The following ZCCHC7 variants were observed in gnomAD, a reference collection of about 807,000 sequenced individuals.
ZCCHC7 encodes zinc finger CCHC-type containing 7.
ZCCHC7 carries 35 observed loss-of-function variants against 52.0 expected under a neutral mutation model. The observed-to-expected ratio is 0.67, with a 90% confidence interval of 0.51 to 0.89. The LOEUF (loss-of-function observed/expected upper bound fraction) is 0.89. ZCCHC7 is among the 40% of genes least tolerant of loss of function. ZCCHC7 has a pLI of 0.00. For synonymous variants in ZCCHC7, 217 were observed against 221.5 expected (o/e 0.98, Z 0.18); for missense variants, 574 against 649.1 (o/e 0.88, Z 1.26).
intron 2 of ZCCHC7, among the ~76,000 whole-genome samples, chr9:37,183,281 CAG>C (rs1344442733): frequency 6.6e-6 from 1 of 152,230 alleles, no homozygotes; most frequent in East Asian, 1.9e-4. Flanking sequence ...TTTTGTGACT[CAG>C]AGGAGAGAGA....
chr9:37,349,513 A>G lies in ZCCHC7; in HGVS notation c.1083+61A>G, dbSNP rs373274337. The G allele has an allele frequency of 2.3e-5, 34 of 1,470,780 alleles. No homozygotes were observed. The African/African-American group carries it at 3.8e-4, about 16-fold the overall frequency. The allele number at this position is 1,470,780 out of a possible 1,614,324, so 91.1% of individuals were successfully genotyped here. A position where few individuals can be genotyped will look rare whatever the true frequency, so the allele number is the denominator to read the frequency against. On this transcript the variant is annotated intron_variant, in intron 7 of 8. Coordinates refer to ENST00000336755, the MANE Select transcript of ZCCHC7 (RefSeq NM_032226.3). Reference sequence around the variant, plus strand: ...GTTGTCAGGGAGTGTTTTCTGAAAGATGAACTCAAAAAGAATGTAACTCTA... The same window carrying G: ...GTTGTCAGGGAGTGTTTTCTGAAAGGTGAACTCAAAAAGAATGTAACTCTA...
chr9:37,286,648 CA>C (rs111998486), intron 2 of ZCCHC7, among the ~76,000 whole-genome samples: 1 of 144,488 alleles, frequency 6.9e-6, no homozygotes, highest in Non-Finnish European at 1.5e-5. Context: ...GACCCTGTCT[CA>C]AAAAAAAAGA....
chr9:37,233,292 G>T (rs1175791468), intron 2 of ZCCHC7, among the ~76,000 whole-genome samples: 1 of 152,010 alleles, frequency 6.6e-6, no homozygotes, highest in Non-Finnish European at 1.5e-5. Flanking sequence ...GTAAGGATAG[G>T]AATTAAAATA....
At chr9:37,180,567 G>A (rs527619960) in intron 2 of ZCCHC7, among the ~76,000 whole-genome samples, 1 of 152,106 alleles carries the variant, frequency 6.6e-6, no homozygotes, top group African/African-American at 2.4e-5. Context: ...GGAATATTTT[G>A]AACATGCCAC....
intron 2 of ZCCHC7, among the ~76,000 whole-genome samples, chr9:37,175,545 C>G (rs1588429530): frequency 6.6e-6 from 1 of 152,006 alleles, no homozygotes; most frequent in African/African-American, 2.4e-5. Flanking sequence ...CTCCAAACCC[C>G]TCCCCGCACA....
intron 2 of ZCCHC7, among the ~76,000 whole-genome samples, chr9:37,134,516 T>C (rs1842920321): frequency 6.6e-6 from 1 of 152,222 alleles, no homozygotes; most frequent in Non-Finnish European, 1.5e-5. Context: ...TTTTCTTTTA[T>C]AATCATGTAA....
chr9:37,280,259 C>G (rs1827891396), intron 2 of ZCCHC7, among the ~76,000 whole-genome samples: 1 of 152,126 alleles, frequency 6.6e-6, no homozygotes, highest in Non-Finnish European at 1.5e-5. Flanking sequence ...ATCTCCTCAT[C>G]ATAGAGAAGT....
chr9:37,306,393 T>C (rs1829306536), intron 5 of ZCCHC7, among the ~76,000 whole-genome samples: 1 of 151,444 alleles, frequency 6.6e-6, no homozygotes, highest in Admixed American at 6.6e-5. Context: ...TAAATGAAAA[T>C]ATATGCACAA....
intron 2 of ZCCHC7, among the ~76,000 whole-genome samples, chr9:37,176,502 A>G (rs978920287): frequency 1.3e-5 from 2 of 152,130 alleles, no homozygotes; most frequent in Admixed American, 6.5e-5. Flanking sequence ...TGGTGTTTTA[A>G]TATCCAGACT....
At chr9:37,138,280 A>G (rs1304363989) in intron 2 of ZCCHC7, among the ~76,000 whole-genome samples, 3 of 152,172 alleles carry the variant, frequency 2.0e-5, no homozygotes, top group Non-Finnish European at 4.4e-5. Context: ...CGAGGTTTGA[A>G]GAAAGCTTTT....
intron 6 of ZCCHC7, among the ~76,000 whole-genome samples, chr9:37,336,399 C>T (rs1588688964): frequency 1.3e-5 from 2 of 152,270 alleles, no homozygotes; most frequent in African/African-American, 2.4e-5. Flanking sequence ...AAGAACATTA[C>T]TTCCCCCTTC....
chr9:37,344,100 C>T (rs1329817291), intron 6 of ZCCHC7, among the ~76,000 whole-genome samples: 1 of 152,096 alleles, frequency 6.6e-6, no homozygotes, highest in Non-Finnish European at 1.5e-5. Context: ...ATTGCTTGAG[C>T]CCAGGAGTTC....
chr9:37,297,806 C>A lies in ZCCHC7; in HGVS notation c.611-4382C>A, dbSNP rs556507279. Among the ~76,000 whole-genome samples, 14 of 152,280 alleles carry A rather than the reference C, an allele frequency of 9.2e-5. No individual in the cohort carries two copies. In the South Asian group the frequency reaches 2.3e-3, roughly 25 times the overall value. On this transcript the variant is annotated intron_variant, in intron 2 of 8. Transcript: ENST00000336755. Reference sequence around the variant, plus strand: ...AGATTGTCCCTAAAGGTCATGATAACCAGCTCTGTAATTATCTGTAGCTAC... The same window carrying A: ...AGATTGTCCCTAAAGGTCATGATAAACAGCTCTGTAATTATCTGTAGCTAC...
At chr9:37,257,159 G>A (rs1826631071) in intron 2 of ZCCHC7, among the ~76,000 whole-genome samples, 1 of 152,160 alleles carries the variant, frequency 6.6e-6, no homozygotes, top group Non-Finnish European at 1.5e-5. Flanking sequence ...ATTTTGGAAG[G>A]GCAAATCAAT....
chr9:37,327,873 G>C (rs1344148376), intron 6 of ZCCHC7, 39 bp downstream of exon 6: 2 of 1,606,672 alleles, frequency 1.2e-6, no homozygotes, highest in Admixed American at 3.3e-5. Context: ...CCAAGACCTA[G>C]CCTATTTACC....
chr9:37,228,670 G>A (rs1429973226), intron 2 of ZCCHC7, among the ~76,000 whole-genome samples: 1 of 151,648 alleles, frequency 6.6e-6, no homozygotes, highest in Non-Finnish European at 1.5e-5. Context: ...TTTCTGGCCT[G>A]ATTTTTAAAA....
At chr9:37,289,704 G>C (rs1828440012) in intron 2 of ZCCHC7, among the ~76,000 whole-genome samples, 1 of 151,958 alleles carries the variant, frequency 6.6e-6, no homozygotes, top group African/African-American at 2.4e-5. Context: ...ACGAGTTTTT[G>C]TTTCACTCAG....
rs555690310 is a variant in ZCCHC7 at position 37,161,370 on chromosome 9, C to T, written c.610+34428C>T. Among the ~76,000 whole-genome samples, 12 of 152,140 alleles carry T rather than the reference C, an allele frequency of 7.9e-5. No individual in the cohort carries two copies. In the East Asian group the frequency reaches 2.1e-3, roughly 27 times the overall value. On this transcript the variant is annotated intron_variant, in intron 2 of 8. Coordinates refer to ENST00000336755, the MANE Select transcript of ZCCHC7 (RefSeq NM_032226.3). ...CGGGCAGATCACGAGGTTAGGAGAT[C>T]GAGACCATCCTGGCTAACACGGTGA...
chr9:37,342,142 C>T (rs1320083801), intron 6 of ZCCHC7, among the ~76,000 whole-genome samples: 3 of 151,994 alleles, frequency 2.0e-5, no homozygotes, highest in African/African-American at 7.3e-5. Context: ...AGTAATTGGA[C>T]CAGGACAGTA....
Sources: gnomAD v4.1 joint callset for allele counts (sites outside exome capture counted in the v4.1 genomes callset) on GRCh38, gnomAD v4.1.1 for gene constraint, MANE v1.5 for transcripts, NCBI Gene and HGNC (gene_info 2026-07-23, HGNC 2026-07-21) for gene names.